The following MGLL variants were observed in gnomAD, a reference collection of about 807,000 sequenced individuals.
The protein encoded by MGLL is lysophospholipase homolog.
MGLL carries 7 observed loss-of-function variants against 29.1 expected under a neutral mutation model. The ratio of observed to expected loss-of-function variants is 0.24; its 90% CI spans 0.14 to 0.45. MGLL has a LOEUF of 0.45. Among genes scored for constraint, MGLL ranks in the 20% least tolerant of loss-of-function variants. The probability of loss-of-function intolerance (pLI) is 0.99; values close to 1 mark genes in which losing one functional copy is unlikely to be tolerated. For synonymous variants in MGLL, 148 were observed against 168.3 expected, an observed-to-expected ratio of 0.88 and a Z score of 0.93; for missense variants, 356 against 413.6, an observed-to-expected ratio of 0.86 and a Z score of 1.21.
intron 3 of MGLL, among the ~76,000 whole-genome samples, chr3:127,745,942 T>G (rs2076433716): frequency 6.6e-6 from 1 of 152,180 alleles, no homozygotes; most frequent in African/African-American, 2.4e-5. Flanking sequence ...CGCTGGAACT[T>G]TACATTTTTG....
intron 2 of MGLL, among the ~76,000 whole-genome samples, chr3:127,802,231 G>C (rs987898840): frequency 6.6e-6 from 1 of 152,162 alleles, no homozygotes; most frequent in Non-Finnish European, 1.5e-5. Context: ...GAGTGTAAGA[G>C]ATACTAGGTT....
chr3:127,805,743 T>C (rs2077554374), intron 2 of MGLL, among the ~76,000 whole-genome samples: 1 of 152,244 alleles, frequency 6.6e-6, no homozygotes, highest in Non-Finnish European at 1.5e-5. Context: ...CTTAATAGCA[T>C]GTAGCTGACA....
At chr3:127,813,078 G>T (rs368403435) in intron 2 of MGLL, among the ~76,000 whole-genome samples, 39 of 152,286 alleles carry the variant, frequency 2.6e-4, no homozygotes, top group African/African-American at 8.7e-4. Flanking sequence ...TCAATGACCT[G>T]GGAAAATTGA....
intron 6 of MGLL, among the ~76,000 whole-genome samples, chr3:127,703,092 C>T (rs2075529697): frequency 6.6e-6 from 1 of 152,204 alleles, no homozygotes; most frequent in Non-Finnish European, 1.5e-5. Context: ...CCCCGCCCCA[C>T]CACTGTCTCC....
intron 6 of MGLL, among the ~76,000 whole-genome samples, chr3:127,695,743 CA>C (rs1376360685): frequency 6.7e-6 from 1 of 149,746 alleles, no homozygotes; most frequent in African/African-American, 2.5e-5. Context: ...GACTCCGTCT[CA>C]AAAAAAAATT....
intron 2 of MGLL, among the ~76,000 whole-genome samples, chr3:127,797,853 A>G (rs1576303322): frequency 6.6e-6 from 1 of 152,180 alleles, no homozygotes; most frequent in East Asian, 1.9e-4. Context: ...TGATTCTCCC[A>G]CCTGGGCTTC....
At chr3:127,752,706 G>T (rs1365459234) in intron 3 of MGLL, among the ~76,000 whole-genome samples, 2 of 152,124 alleles carry the variant, frequency 1.3e-5, no homozygotes, top group Non-Finnish European at 2.9e-5. Flanking sequence ...AACGGTGGCA[G>T]ATGGAACCTT....
At chr3:127,713,991 G>A in intron 5 of MGLL, 1 of 151,948 alleles carries the variant, frequency 6.6e-6, no homozygotes, top group South Asian at 2.1e-4. Context: ...ATTACAGCAA[G>A]CCCTATTCTG....
At chr3:127,759,544 C>T (rs892026747) in intron 3 of MGLL, among the ~76,000 whole-genome samples, 13 of 152,328 alleles carry the variant, frequency 8.5e-5, no homozygotes, top group African/African-American at 3.1e-4. Flanking sequence ...CAGCTGTGGG[C>T]ATGTTCTCAT....
At chr3:127,744,760 G>C (rs1032482494) in intron 3 of MGLL, among the ~76,000 whole-genome samples, 1 of 152,120 alleles carries the variant, frequency 6.6e-6, no homozygotes, top group Admixed American at 6.5e-5. Context: ...TTACACCGCC[G>C]GACACGGTTT....
At chr3:127,807,147 T>G (rs1043690874) in intron 2 of MGLL, among the ~76,000 whole-genome samples, 1 of 152,210 alleles carries the variant, frequency 6.6e-6, no homozygotes, top group African/African-American at 2.4e-5. Flanking sequence ...GTTTTTTTAG[T>G]TTTGGTTTTG....
chr3:127,776,095 C>T (rs1197969971), intron 3 of MGLL, among the ~76,000 whole-genome samples: 1 of 152,220 alleles, frequency 6.6e-6, no homozygotes, highest in Non-Finnish European at 1.5e-5. Flanking sequence ...GCAGCCCCTC[C>T]GTTTCTGGCT....
Position 127,694,269 on chromosome 3 carries a change from G to GAAA in MGLL, c.816+703_816+705dup, listed in dbSNP as rs61437030. Among the ~76,000 whole-genome samples, 80 of 67,604 alleles carry GAAA rather than the reference G, an allele frequency of 1.2e-3. 1 individual carries two copies. Among genetic ancestry groups the GAAA allele is most frequent in the African/African-American group, 2.2e-3 (38 of 17,062 alleles). The allele number at this position is 67,604 out of a possible 152,430, so 44.4% of individuals were successfully genotyped here. A position where few individuals can be genotyped will look rare whatever the true frequency, so the allele number is the denominator to read the frequency against. ...TGGGTGACAGAGGGATACTCTGTCTGAAAAAAAAAAAAAAAAAATATATAT... is the reference window on the plus strand; with the variant it reads ...TGGGTGACAGAGGGATACTCTGTCTGAAAAAAAAAAAAAAAAAAAAATATATAT... On this transcript the variant is annotated intron_variant, in intron 7 of 7. Transcript: ENST00000265052.
chr3:127,708,380 G>A (rs2075643902), intron 6 of MGLL, among the ~76,000 whole-genome samples: 1 of 152,186 alleles, frequency 6.6e-6, no homozygotes, highest in South Asian at 2.1e-4. Context: ...CTGATGACCT[G>A]GGCAGCCAGA....
At chr3:127,769,008 TC>T (rs1336412561) in intron 3 of MGLL, among the ~76,000 whole-genome samples, 1 of 152,182 alleles carries the variant, frequency 6.6e-6, no homozygotes, top group Non-Finnish European at 1.5e-5. Flanking sequence ...TAGAGATGGT[TC>T]CTTTCAGTTC....
At chr3:127,795,646 A>C (rs774346138) in intron 2 of MGLL, among the ~76,000 whole-genome samples, 1 of 152,262 alleles carries the variant, frequency 6.6e-6, no homozygotes, top group African/African-American at 2.4e-5. Flanking sequence ...AATTACCTTA[A>C]GTAGTAACTA....
At chr3:127,800,746 C>T (rs1244283283) in intron 2 of MGLL, among the ~76,000 whole-genome samples, 4 of 152,192 alleles carry the variant, frequency 2.6e-5, no homozygotes, top group African/African-American at 4.8e-5. Context: ...CCCTAGCAAG[C>T]CAAGTGTGGT....
intron 4 of MGLL, among the ~76,000 whole-genome samples, 200 bp downstream of exon 4, chr3:127,722,230 G>T (rs2075940468): frequency 6.6e-6 from 1 of 152,244 alleles, no homozygotes. Flanking sequence ...TATTCAAGCT[G>T]CTCACTAAGG....
In MGLL at chr3:127,691,983, T is replaced by A; in HGVS notation, c.*215A>T. 1.6e-6 allele frequency: 1 copy of A among 625,076 alleles called. No homozygotes were observed. The highest frequency in any genetic ancestry group is 2.7e-6 in the Non-Finnish European group (1 of 370,736). The allele number at this position is 625,076 out of a possible 1,614,324, so 38.7% of individuals were successfully genotyped here. A position where few individuals can be genotyped will look rare whatever the true frequency, so the allele number is the denominator to read the frequency against. On this transcript the variant is annotated 3_prime_UTR_variant, in exon 8 of 8. Transcript: ENST00000265052. ...AATCACCTGGGACCTTTCTCTTTTT[T>A]TGCATAAAGTGTCTAACCATTAAGG...
Sources: allele counts gnomAD v4.1 joint callset (sites outside exome capture counted in the v4.1 genomes callset), GRCh38; gene constraint gnomAD v4.1.1; transcripts MANE v1.5; gene names NCBI Gene and HGNC (gene_info 2026-07-23, HGNC 2026-07-21).